MAF: variants seen among roughly 807,000 people sequenced by gnomAD.
MAF encodes MAF bZIP transcription factor, also known as transcription factor Maf.
In MAF, 10 loss-of-function variants were observed where a neutral mutation model predicts 22.0. That is an observed-to-expected ratio of 0.45 (90% CI 0.28 to 0.77). The LOEUF is 0.77. Among genes scored for constraint, MAF ranks in the 30% least tolerant of loss-of-function variants. MAF has a pLI of 0.12. For synonymous variants in MAF, 337 were observed against 255.8 expected (o/e 1.32, Z -3.03); for missense variants, 544 against 548.4 (o/e 0.99, Z 0.08).
At chr16:79,541,072 C>T in the MAF span, among the ~76,000 whole-genome samples, 1 of 152,182 alleles carries the variant, frequency 6.6e-6, no homozygotes, top group African/African-American at 2.4e-5. Flanking sequence ...GACACGATTA[C>T]TGCTATCACT....
the MAF span, among the ~76,000 whole-genome samples, chr16:79,252,531 C>T: frequency 1.3e-5 from 2 of 151,994 alleles, no homozygotes; most frequent in South Asian, 4.2e-4. Context: ...ACTCTGTCAC[C>T]CAAGCTGGAG....
chr16:79,249,458 A>G, the MAF span, among the ~76,000 whole-genome samples: 33 of 150,478 alleles, frequency 2.2e-4, no homozygotes, highest in African/African-American at 7.8e-4. Context: ...GGATGCCGCC[A>G]TGCCCCTTCC....
the MAF span, among the ~76,000 whole-genome samples, chr16:79,213,287 C>G: frequency 1.4e-5 from 2 of 147,724 alleles, no homozygotes; most frequent in East Asian, 1.9e-4. Context: ...ATCTGTGGTG[C>G]AGAGCAGTCG....
At chr16:79,322,943 G>A in the MAF span, among the ~76,000 whole-genome samples, 1 of 151,714 alleles carries the variant, frequency 6.6e-6, no homozygotes, top group African/African-American at 2.4e-5. Context: ...GAGGTCAGGA[G>A]ATCAAGACCA....
chr16:79,418,347 G>C, the MAF span, among the ~76,000 whole-genome samples: 54 of 152,138 alleles, frequency 3.5e-4, no homozygotes, highest in African/African-American at 1.3e-3. Flanking sequence ...GAGAAAAAAA[G>C]AGCCCCTGTT....
chr16:79,291,359 T>C, the MAF span, among the ~76,000 whole-genome samples: 1 of 152,154 alleles, frequency 6.6e-6, no homozygotes, highest in African/African-American at 2.4e-5. Context: ...TCAGGTGTCA[T>C]GTCACCTTGT....
the MAF span, among the ~76,000 whole-genome samples, chr16:79,469,314 A>C: frequency 2.6e-5 from 4 of 152,318 alleles, no homozygotes; most frequent in South Asian, 4.1e-4. Context: ...TTACAGAAAA[A>C]GTTTGCTGAT....
the MAF span, among the ~76,000 whole-genome samples, chr16:79,224,176 T>C: frequency 6.6e-6 from 1 of 152,158 alleles, no homozygotes; most frequent in Non-Finnish European, 1.5e-5. Context: ...TCGAGTCAGT[T>C]TTATCCCTGG....
At chr16:79,545,733 A>G in the MAF span, among the ~76,000 whole-genome samples, 7 of 152,278 alleles carry the variant, frequency 4.6e-5, no homozygotes, top group African/African-American at 1.4e-4. Flanking sequence ...TACGGTGGTT[A>G]CCAGAAGCCA....
the MAF span, among the ~76,000 whole-genome samples, chr16:79,545,217 A>G: frequency 6.6e-6 from 1 of 152,224 alleles, no homozygotes; most frequent in South Asian, 2.1e-4. Context: ...CATGCATTAC[A>G]AAGTAGACTC....
the MAF span, among the ~76,000 whole-genome samples, chr16:79,304,713 T>C: frequency 1.3e-5 from 2 of 152,172 alleles, no homozygotes; most frequent in Non-Finnish European, 2.9e-5. Flanking sequence ...TAATCATACA[T>C]ATTTTGTTTC....
chr16:79,593,629 C>G (rs1160287321), downstream of MAF, among the ~76,000 whole-genome samples: 1 of 152,208 alleles, frequency 6.6e-6, no homozygotes, highest in Non-Finnish European at 1.5e-5. Flanking sequence ...GAAATGATGT[C>G]TCCGTAGCAG....
the MAF span, among the ~76,000 whole-genome samples, chr16:79,404,996 G>T: frequency 6.6e-6 from 1 of 152,174 alleles, no homozygotes; most frequent in Non-Finnish European, 1.5e-5. Context: ...GAACCACACA[G>T]GTGTCACTGT....
At chr16:79,212,708 G>C in the MAF span, 1 of 148,560 alleles carries the variant, frequency 6.7e-6, no homozygotes, top group Non-Finnish European at 1.5e-5. Context: ...GTTTGTTTCA[G>C]TTTGTTTTTG....
At chr16:79,443,831 G>A in the MAF span, among the ~76,000 whole-genome samples, 1 of 151,964 alleles carries the variant, frequency 6.6e-6, no homozygotes, top group Non-Finnish European at 1.5e-5. Flanking sequence ...GTTGCTTGGA[G>A]GATTAATTTA....
chr16:79,527,641 G>T, the MAF span, among the ~76,000 whole-genome samples: 1 of 151,640 alleles, frequency 6.6e-6, no homozygotes, highest in Non-Finnish European at 1.5e-5. Context: ...AATCATTAAG[G>T]GGGGGGTCCC....
the MAF span, among the ~76,000 whole-genome samples, chr16:79,489,354 C>A: frequency 1.3e-5 from 2 of 152,184 alleles, no homozygotes; most frequent in African/African-American, 2.4e-5. Flanking sequence ...TTTATCCATC[C>A]ATCCATCTAT....
chr16:79,292,804 C>A, the MAF span, among the ~76,000 whole-genome samples: 2 of 152,208 alleles, frequency 1.3e-5, no homozygotes, highest in Non-Finnish European at 2.9e-5. Flanking sequence ...ATAGTAACCT[C>A]TGGTCGTCCT....
At chr16:79,454,372 G>C in the MAF span, among the ~76,000 whole-genome samples, 1 of 151,796 alleles carries the variant, frequency 6.6e-6, no homozygotes, top group African/African-American at 2.4e-5. Flanking sequence ...TGTAAGAGAA[G>C]GCTACCAGAA....
Sources: gnomAD v4.1 joint callset for allele counts (sites outside exome capture counted in the v4.1 genomes callset) on GRCh38, gnomAD v4.1.1 for gene constraint, MANE v1.5 for transcripts, NCBI Gene and HGNC (gene_info 2026-07-23, HGNC 2026-07-21) for gene names.